The following ROBO1 variants were observed in gnomAD, a reference collection of about 807,000 sequenced individuals.
The protein encoded by ROBO1 is roundabout guidance receptor 1.
A neutral mutation model predicts 195.9 loss-of-function variants in ROBO1; 149 were observed. That is an observed-to-expected ratio of 0.76 (90% CI 0.67 to 0.87). The LOEUF (loss-of-function observed/expected upper bound fraction) is 0.87, where lower values mean the gene tolerates loss of function less well. ROBO1 is among the 40% of genes least tolerant of loss of function. The pLI is 0.00. For synonymous variants in ROBO1, 816 were observed against 733.2 expected (o/e 1.11, Z -1.82); for missense variants, 1,933 against 2,068.3 (o/e 0.93, Z 1.27).
At chr3:78,854,249 A>G (rs1169529931) in intron 4 of ROBO1, among the ~76,000 whole-genome samples, 1 of 148,184 alleles carries the variant, frequency 6.7e-6, no homozygotes, top group Non-Finnish European at 1.5e-5. Flanking sequence ...ACATACATAT[A>G]TATAATATAT....
At chr3:78,651,621 T>C in intron 19 of ROBO1, 111 bp downstream of exon 19, 1 of 810,914 alleles carries the variant, frequency 1.2e-6, no homozygotes, top group South Asian at 2.4e-5. Context: ...AATCTTTATA[T>C]ATTAAAACAA....
At chr3:79,117,150 C>G (rs563121842) in intron 3 of ROBO1, among the ~76,000 whole-genome samples, 4 of 151,764 alleles carry the variant, frequency 2.6e-5, no homozygotes, top group South Asian at 2.1e-4. Flanking sequence ...GCGGATTGCC[C>G]GTAGCTCAGG....
chr3:78,974,504 A>C (rs2076843149), intron 3 of ROBO1, among the ~76,000 whole-genome samples: 1 of 152,172 alleles, frequency 6.6e-6, no homozygotes, highest in East Asian at 1.9e-4. Context: ...AAATGCCACC[A>C]AACTCAATAT....
chr3:78,640,024 CATT>C (rs1199208465), intron 21 of ROBO1, 126 bp from the exon 22 acceptor site: 9 of 797,576 alleles, frequency 1.1e-5, no homozygotes, highest in Non-Finnish European at 1.7e-5. Flanking sequence ...TGCTGAATGA[CATT>C]ATTATCCCTT....
chr3:78,659,832 G>T, intron 16 of ROBO1, 25 bp from the exon 17 acceptor site: 2 of 1,586,340 alleles, frequency 1.3e-6, no homozygotes, highest in South Asian at 1.2e-5. Context: ...TAAAAGGTAG[G>T]TTATTAGAAT....
At chr3:79,510,946 G>A (rs563638201) in intron 2 of ROBO1, among the ~76,000 whole-genome samples, 1 of 152,242 alleles carries the variant, frequency 6.6e-6, no homozygotes, top group East Asian at 1.9e-4. Flanking sequence ...GGGTGCCTGA[G>A]TTCCTCAAAA....
At chr3:78,765,892 T>C (rs1447715131) in intron 4 of ROBO1, among the ~76,000 whole-genome samples, 1 of 152,130 alleles carries the variant, frequency 6.6e-6, no homozygotes, top group Admixed American at 6.5e-5. Context: ...AGGATCAAGG[T>C]TAAACTTAAT....
intron 8 of ROBO1, among the ~76,000 whole-genome samples, chr3:78,705,347 C>T (rs2081524617): frequency 1.3e-5 from 2 of 152,308 alleles, no homozygotes; most frequent in South Asian, 4.1e-4. Context: ...CCATAATCCA[C>T]ACCCACTTTC....
rs545579602 is a variant in ROBO1 at position 79,446,498 on chromosome 3, T to A, written c.88+143326A>T. On this transcript the variant is annotated intron_variant, in intron 2 of 30. Coordinates refer to ENST00000464233, the MANE Select transcript of ROBO1 (RefSeq NM_002941.4). ...AAATAAGATCATGCTGCAATTAGTGTTGCTTATAATAGATAGGTACAAAAC... is the reference window on the plus strand; with the variant it reads ...AAATAAGATCATGCTGCAATTAGTGATGCTTATAATAGATAGGTACAAAAC... Among the ~76,000 whole-genome samples, 7 of 152,322 alleles carry A rather than the reference T, an allele frequency of 4.6e-5. No homozygotes were observed. The East Asian group carries it at 1.2e-3, about 25-fold the overall frequency.
At chr3:79,070,605 T>A (rs955374928) in intron 3 of ROBO1, among the ~76,000 whole-genome samples, 2 of 151,850 alleles carry the variant, frequency 1.3e-5, no homozygotes, top group African/African-American at 4.8e-5. Flanking sequence ...GGATAATCTC[T>A]TTTTTGTGGG....
chr3:78,688,386 T>C (rs1416957987), intron 9 of ROBO1, among the ~76,000 whole-genome samples: 3 of 152,226 alleles, frequency 2.0e-5, no homozygotes, highest in Non-Finnish European at 2.9e-5. Flanking sequence ...TTCTTTTTAA[T>C]GTGGCTGAGC....
At chr3:79,185,537 G>T (rs2081421855) in intron 2 of ROBO1, among the ~76,000 whole-genome samples, 1 of 151,922 alleles carries the variant, frequency 6.6e-6, no homozygotes, top group African/African-American at 2.4e-5. Context: ...TTCCTATTAG[G>T]TATTCATCTT....
At chr3:79,646,555 G>A (rs764058549) in intron 1 of ROBO1, among the ~76,000 whole-genome samples, 5 of 152,062 alleles carry the variant, frequency 3.3e-5, no homozygotes, top group Non-Finnish European at 7.4e-5. Context: ...CTACTGGATG[G>A]AATAAATATC....
chr3:79,663,395 A>T (rs1343389543), intron 1 of ROBO1, among the ~76,000 whole-genome samples: 1 of 152,040 alleles, frequency 6.6e-6, no homozygotes, highest in Non-Finnish European at 1.5e-5. Flanking sequence ...TGTGCACCAG[A>T]TTTCCAATTT....
At chr3:78,985,802 G>A (rs2077092899) in intron 3 of ROBO1, among the ~76,000 whole-genome samples, 2 of 152,068 alleles carry the variant, frequency 1.3e-5, no homozygotes, top group African/African-American at 4.8e-5. Context: ...AAGATTTGCA[G>A]ACAGTAACAA....
At chr3:78,902,141 G>A (rs1045592567) in intron 4 of ROBO1, among the ~76,000 whole-genome samples, 2 of 152,026 alleles carry the variant, frequency 1.3e-5, no homozygotes, top group African/African-American at 4.8e-5. Flanking sequence ...TATTGTAGGG[G>A]TAAAATATCT....
intron 2 of ROBO1, among the ~76,000 whole-genome samples, chr3:79,210,192 G>A (rs915709269): frequency 3.3e-5 from 5 of 151,970 alleles, no homozygotes; most frequent in Non-Finnish European, 4.4e-5. Flanking sequence ...ATGGAACCAC[G>A]GAAGAGCCCA....
At chr3:78,724,829 GA>G (rs2082126147) in intron 5 of ROBO1, among the ~76,000 whole-genome samples, 1 of 152,144 alleles carries the variant, frequency 6.6e-6, no homozygotes. Flanking sequence ...ACATAGGGAA[GA>G]AAAATATGTC....
At chr3:79,137,412 C>T (rs2080432432) in intron 2 of ROBO1, among the ~76,000 whole-genome samples, 1 of 131,510 alleles carries the variant, frequency 7.6e-6, no homozygotes, top group African/African-American at 2.9e-5. Flanking sequence ...ACACAATGAT[C>T]TCAAAATACA....
Sources: gnomAD v4.1 joint callset for allele counts (sites outside exome capture counted in the v4.1 genomes callset) on GRCh38, gnomAD v4.1.1 for gene constraint, MANE v1.5 for transcripts, NCBI Gene and HGNC (gene_info 2026-07-23, HGNC 2026-07-21) for gene names.